The following MMP16 variants were observed in gnomAD, a reference collection of about 807,000 sequenced individuals.
MMP16 encodes the protein matrix metallopeptidase 16, also known as matrix metalloproteinase-16.
Under a neutral mutation model 67.8 loss-of-function variants are expected in MMP16, and 12 were observed. The observed-to-expected ratio is 0.18, with a 90% CI of 0.11 to 0.29. The LOEUF is 0.29. Ranked by LOEUF, MMP16 falls within the 10% of genes least tolerant of loss-of-function variation. The pLI, the probability that MMP16 is intolerant of heterozygous loss-of-function variation, is 1.00. For synonymous variants in MMP16, 249 were observed against 255.9 expected (o/e 0.97, Z 0.26); for missense variants, 475 against 765.7 (o/e 0.62, Z 4.48).
chr8:88,178,068 A>G (rs934545039), intron 3 of MMP16, among the ~76,000 whole-genome samples: 45 of 152,044 alleles, frequency 3.0e-4, no homozygotes, highest in African/African-American at 1.0e-3. Flanking sequence ...ATACAACCTA[A>G]CCCCTAACTA....
chr8:88,226,117 G>A lies in MMP16; in HGVS notation c.133-28811C>T, dbSNP rs780033039. 7.7e-4 allele frequency among the ~76,000 whole-genome samples: 117 copies of A among 151,152 alleles called. 1 individual carries two copies. The highest frequency in any genetic ancestry group is 6.9e-3 in the Middle Eastern group (2 of 288). On this transcript the variant is annotated intron_variant, in intron 1 of 9. Transcript: ENST00000286614. ...GACTGTCGTGTGTATACACACACAC[G>A]CACACACACACAAATATATATATTA...
rs184610456 is a variant in MMP16 at position 88,213,044 on chromosome 8, A to T, written c.133-15738T>A. On this transcript the variant is annotated intron_variant, in intron 1 of 9. Coordinates refer to ENST00000286614, the MANE Select transcript of MMP16 (RefSeq NM_005941.5). The stretch of plus-strand genomic sequence containing the variant: ...AATTGAGAGGCAAAGTTTGGTTGAA[A>T]GCATTTTTTTGTATGTATAACATGT... 2.6e-3 allele frequency among the ~76,000 whole-genome samples: 391 copies of T among 152,274 alleles called. 1 individual carries two copies. The highest frequency in any genetic ancestry group is 9.0e-3 in the African/African-American group (374 of 41,562).
At position 88,154,552 on chromosome 8, in the gene MMP16, T is replaced by C. The variant is rs1808473062; in HGVS notation, c.709+13117A>G. 4.0e-5 allele frequency among the ~76,000 whole-genome samples: 6 copies of C among 151,662 alleles called. No individual in the cohort carries two copies. The South Asian group carries it at 1.3e-3, about 32-fold the overall frequency. Reference sequence around the variant, plus strand: ...CTATGCAGCCATAAAAAATGATGAGTTCATGTCCTTTGTAGGGACATGGAT... The same window carrying C: ...CTATGCAGCCATAAAAAATGATGAGCTCATGTCCTTTGTAGGGACATGGAT... On this transcript the variant is annotated intron_variant, in intron 4 of 9. Coordinates refer to ENST00000286614, the MANE Select transcript of MMP16 (RefSeq NM_005941.5).
At chr8:88,176,701 T>A (rs990398038) in intron 3 of MMP16, among the ~76,000 whole-genome samples, 3 of 152,202 alleles carry the variant, frequency 2.0e-5, no homozygotes, top group African/African-American at 7.2e-5. Flanking sequence ...ATCTATAAAG[T>A]CTACTTTGGC....
intron 9 of MMP16, among the ~76,000 whole-genome samples, chr8:88,043,939 T>C (rs1808166475): frequency 6.6e-6 from 1 of 152,218 alleles, no homozygotes; most frequent in South Asian, 2.1e-4. Context: ...AATAGGTGAA[T>C]GTACTTCTTA....
chr8:88,173,233 G>A (rs1808833251), intron 3 of MMP16, among the ~76,000 whole-genome samples: 1 of 152,010 alleles, frequency 6.6e-6, no homozygotes, highest in African/African-American at 2.4e-5. Context: ...TATACCTTTT[G>A]TAGAGACAGG....
chr8:88,304,324 G>GTA (rs1014041709), intron 1 of MMP16, among the ~76,000 whole-genome samples: 33 of 152,142 alleles, frequency 2.2e-4, no homozygotes, highest in African/African-American at 6.8e-4. Flanking sequence ...CGACTGACTG[G>GTA]TATATATAAA....
chr8:88,070,717 A>C (rs1333935490), intron 7 of MMP16, among the ~76,000 whole-genome samples: 1 of 151,952 alleles, frequency 6.6e-6, no homozygotes, highest in Non-Finnish European at 1.5e-5. Context: ...GCAGCCTGTA[A>C]ATTATTCAGA....
At chr8:88,277,479 A>G (rs1810665823) in intron 1 of MMP16, among the ~76,000 whole-genome samples, 1 of 152,210 alleles carries the variant, frequency 6.6e-6, no homozygotes, top group Non-Finnish European at 1.5e-5. Flanking sequence ...TCTTCCAGAG[A>G]GCAGACTGGA....
chr8:88,054,326 A>G (rs1325470389), intron 8 of MMP16, among the ~76,000 whole-genome samples: 1 of 152,146 alleles, frequency 6.6e-6, no homozygotes, highest in African/African-American at 2.4e-5. Flanking sequence ...TATAGTACCG[A>G]GTTCTGCATG....
chr8:88,055,500 G>A (rs946358988), intron 8 of MMP16, among the ~76,000 whole-genome samples: 2 of 152,162 alleles, frequency 1.3e-5, no homozygotes, highest in African/African-American at 4.8e-5. Flanking sequence ...GAGCCAACAC[G>A]CCCAGCCTTA....
At chr8:88,213,326 G>A (rs962664476) in intron 1 of MMP16, among the ~76,000 whole-genome samples, 8 of 152,076 alleles carry the variant, frequency 5.3e-5, no homozygotes, top group African/African-American at 1.9e-4. Flanking sequence ...GTCATCACGA[G>A]ACGTTTGAGA....
intron 8 of MMP16, among the ~76,000 whole-genome samples, chr8:88,050,055 C>T (rs1808250341): frequency 6.6e-6 from 1 of 151,990 alleles, no homozygotes; most frequent in Admixed American, 6.6e-5. Flanking sequence ...GGCATGGTGG[C>T]TCACACCTGT....
chr8:88,215,593 C>T (rs1056350180), intron 1 of MMP16, among the ~76,000 whole-genome samples: 1 of 152,032 alleles, frequency 6.6e-6, no homozygotes, highest in Admixed American at 6.6e-5. Context: ...CTCTACGGTG[C>T]CACATTTCTT....
At chr8:88,044,802 A>G (rs1313311594) in intron 9 of MMP16, among the ~76,000 whole-genome samples, 3 of 152,198 alleles carry the variant, frequency 2.0e-5, no homozygotes, top group Non-Finnish European at 4.4e-5. Context: ...TTACACGTTT[A>G]TTAGTAAGAA....
intron 7 of MMP16, among the ~76,000 whole-genome samples, chr8:88,063,713 T>G (rs969833705): frequency 6.6e-6 from 1 of 152,088 alleles, no homozygotes; most frequent in Non-Finnish European, 1.5e-5. Flanking sequence ...GGGTTTTTAC[T>G]GCGGTCCAGG....
At chr8:88,326,824 T>C (rs1165955992) in intron 1 of MMP16, 4 of 408,716 alleles carry the variant, frequency 9.8e-6, no homozygotes, top group African/African-American at 2.0e-5. Context: ...GTGAAAAGCA[T>C]GGACCGGCTA....
intron 1 of MMP16, among the ~76,000 whole-genome samples, chr8:88,252,696 A>C (rs1810245633): frequency 6.6e-6 from 1 of 151,804 alleles, no homozygotes; most frequent in Non-Finnish European, 1.5e-5. Context: ...GACTTGCAGT[A>C]ATTTAAATTA....
intron 1 of MMP16, among the ~76,000 whole-genome samples, chr8:88,287,943 C>A (rs570625477): frequency 6.6e-6 from 1 of 152,116 alleles, no homozygotes; most frequent in Non-Finnish European, 1.5e-5. Context: ...AGAGTAATAC[C>A]AAGGTCAGTC....
Sources: allele counts gnomAD v4.1 joint callset (sites outside exome capture counted in the v4.1 genomes callset), GRCh38; gene constraint gnomAD v4.1.1; transcripts MANE v1.5; gene names NCBI Gene and HGNC (gene_info 2026-07-23, HGNC 2026-07-21).